Variants in GRM1 observed in about 807,000 individuals in gnomAD.
GRM1 encodes the protein glutamate metabotropic receptor 1.
In GRM1, 33 loss-of-function variants were observed where a neutral mutation model predicts 90.9. The observed-to-expected ratio is 0.36, with a 90% CI of 0.28 to 0.49. The LOEUF is 0.49. Ranked by LOEUF, GRM1 falls within the 20% of genes least tolerant of loss-of-function variation. GRM1 has a pLI of 0.99. For synonymous variants in GRM1, 700 were observed against 613.2 expected (o/e 1.14, Z -2.09); for missense variants, 1,190 against 1,534.3 (o/e 0.78, Z 3.75).
chr6:146,417,865 G>C (rs1172120578), intron 7 of GRM1, among the ~76,000 whole-genome samples: 1 of 152,022 alleles, frequency 6.6e-6, no homozygotes, highest in Non-Finnish European at 1.5e-5. Flanking sequence ...ATCAAAGTAA[G>C]GTAATAAAAA....
At chr6:146,224,052 CA>C (rs1156603355) in intron 2 of GRM1, among the ~76,000 whole-genome samples, 3 of 152,010 alleles carry the variant, frequency 2.0e-5, no homozygotes, top group Non-Finnish European at 4.4e-5. Flanking sequence ...TCCAGAAATC[CA>C]GCTGTGTTCC....
intron 1 of GRM1, among the ~76,000 whole-genome samples, chr6:146,062,057 G>C (rs984268018): frequency 2.6e-5 from 4 of 152,060 alleles, no homozygotes; most frequent in Admixed American, 1.3e-4. Flanking sequence ...TATGTTTATT[G>C]CAGCACTGTT....
chr6:146,253,196 C>T (rs1340870728), intron 2 of GRM1, among the ~76,000 whole-genome samples: 3 of 152,186 alleles, frequency 2.0e-5, no homozygotes, highest in South Asian at 4.2e-4. Flanking sequence ...AAAGATCCTT[C>T]GGCAGCAATA....
At chr6:146,302,209 G>C (rs1448981685) in intron 2 of GRM1, among the ~76,000 whole-genome samples, 1 of 150,946 alleles carries the variant, frequency 6.6e-6, no homozygotes, top group African/African-American at 2.4e-5. Flanking sequence ...CCTCTTTTGG[G>C]TCTCAGCTCA....
Position 146,399,091 on chromosome 6 carries a change from C to T in GRM1, c.2052C>T (p.Arg684=), listed in dbSNP as rs535831582. 6.2e-7 allele frequency: 1 copy of T among 1,614,112 alleles called. No homozygotes were observed. Among genetic ancestry groups the T allele is most frequent in the South Asian group, 1.1e-5 (1 of 91,076 alleles). ...ALVTKTNRIA[R]ILAGSKKKIC... Reference sequence around the variant, plus strand: ...TGACTAAAACCAATCGTATTGCACGCATCCTGGCTGGCAGCAAGAAGAAGA... The same window carrying T: ...TGACTAAAACCAATCGTATTGCACGTATCCTGGCTGGCAGCAAGAAGAAGA... The change falls in exon 7 of 8, where the codon CGC becomes CGT. Residue 684 remains arginine (R), a synonymous_variant. Coordinates refer to ENST00000282753, the MANE Select transcript of GRM1 (RefSeq NM_001278064.2). This position sits in a 1 kb window ranked among gnomAD's most constrained non-coding sequence, Gnocchi z 5.4.
At chr6:146,201,679 C>T (rs1355345534) in intron 2 of GRM1, among the ~76,000 whole-genome samples, 1 of 152,186 alleles carries the variant, frequency 6.6e-6, no homozygotes, top group African/African-American at 2.4e-5. Context: ...TGGAGAGACG[C>T]AAACATTCAG....
At chr6:146,141,055 C>G (rs568041066) in intron 1 of GRM1, among the ~76,000 whole-genome samples, 57 of 152,290 alleles carry the variant, frequency 3.7e-4, no homozygotes, top group African/African-American at 1.3e-3. Flanking sequence ...TCTTGTAGGA[C>G]ATGTCTGGTG....
intron 1 of GRM1, among the ~76,000 whole-genome samples, chr6:146,113,485 A>G (rs1193276050): frequency 6.6e-6 from 1 of 152,192 alleles, no homozygotes; most frequent in African/African-American, 2.4e-5. Flanking sequence ...TGTATAATTC[A>G]GGCCCTCCAG....
chr6:146,434,879 G>A lies in GRM1; in HGVS notation c.*83G>A, dbSNP rs943805584. 18 of 1,238,826 alleles carry A rather than the reference G, an allele frequency of 1.5e-5. No individual in the cohort carries two copies. The African/African-American group carries it at 2.7e-4, about 18-fold the overall frequency. The allele number at this position is 1,238,826 out of a possible 1,614,324, so 76.7% of individuals were successfully genotyped here. On this transcript the variant is annotated 3_prime_UTR_variant, in exon 8 of 8. Transcript: ENST00000282753. ...GATGTGCAAACAGCTGGGAGGAAAA[G>A]CCTGGGAGTGGGGGGCCTCGTCGGG...
intron 3 of GRM1, among the ~76,000 whole-genome samples, chr6:146,350,306 T>A: frequency 6.6e-6 from 1 of 152,216 alleles, no homozygotes. Flanking sequence ...AACAGATAAT[T>A]TTTCATTTGG....
At chr6:146,266,723 C>T (rs1781900947) in intron 2 of GRM1, among the ~76,000 whole-genome samples, 1 of 152,226 alleles carries the variant, frequency 6.6e-6, no homozygotes, top group Non-Finnish European at 1.5e-5. Context: ...CTGCTCCCAT[C>T]CATTCACCGC....
At chr6:146,140,011 C>T (rs1008186573) in intron 1 of GRM1, among the ~76,000 whole-genome samples, 1 of 140,620 alleles carries the variant, frequency 7.1e-6, no homozygotes, top group Non-Finnish European at 1.6e-5. Context: ...CCTCCCCTCC[C>T]CTCACTTCCC....
chr6:146,043,515 T>C (rs1338009035), intron 1 of GRM1, among the ~76,000 whole-genome samples: 1 of 151,824 alleles, frequency 6.6e-6, no homozygotes, highest in Admixed American at 6.6e-5. Flanking sequence ...ATCAGAAACA[T>C]ATTATTTTTA....
chr6:146,148,773 T>C (rs1034334108), intron 1 of GRM1, among the ~76,000 whole-genome samples: 5 of 152,160 alleles, frequency 3.3e-5, no homozygotes, highest in African/African-American at 1.2e-4. Flanking sequence ...ACAGTGGATA[T>C]TATCATTAAC....
At chr6:146,323,905 T>C (rs531672878) in intron 3 of GRM1, among the ~76,000 whole-genome samples, 6 of 152,222 alleles carry the variant, frequency 3.9e-5, no homozygotes, top group Non-Finnish European at 5.9e-5. Flanking sequence ...TAGTTGTAGA[T>C]ATGTGGCATT....
intron 2 of GRM1, among the ~76,000 whole-genome samples, chr6:146,251,905 T>C (rs1340462414): frequency 6.6e-6 from 1 of 152,104 alleles, no homozygotes. Context: ...TCTGCCTGAA[T>C]TGCTCTTCCT....
At position 146,256,493 on chromosome 6, in the gene GRM1, C is replaced by G. The variant is rs115221924; in HGVS notation, c.951-48118C>G. Reference sequence around the variant, plus strand: ...CTCCTTCCATCTTCCTTTTTCTCCACTCTCCTCCTTTATGCCCGAAATTTT... The same window carrying G: ...CTCCTTCCATCTTCCTTTTTCTCCAGTCTCCTCCTTTATGCCCGAAATTTT... On this transcript the variant is annotated intron_variant, in intron 2 of 7. Coordinates refer to ENST00000282753, the MANE Select transcript of GRM1 (RefSeq NM_001278064.2). Among the ~76,000 whole-genome samples, 337 of 152,186 alleles carry G rather than the reference C, an allele frequency of 2.2e-3. 3 individuals carry two copies. The highest frequency in any genetic ancestry group is 7.8e-3 in the African/African-American group (322 of 41,526).
chr6:146,301,656 T>A (rs1158761695), intron 2 of GRM1, among the ~76,000 whole-genome samples: 6 of 152,214 alleles, frequency 3.9e-5, no homozygotes, highest in Non-Finnish European at 5.9e-5. Context: ...TTTCAATTTT[T>A]AAATATTTAC....
intron 1 of GRM1, among the ~76,000 whole-genome samples, chr6:146,111,700 G>T (rs1408415026): frequency 1.3e-5 from 2 of 152,190 alleles, no homozygotes; most frequent in Admixed American, 1.3e-4. Context: ...GCCAGTATGG[G>T]TAGTTGCTGA....
Sources: gnomAD v4.1 joint callset for allele counts (sites outside exome capture counted in the v4.1 genomes callset) on GRCh38, gnomAD v4.1.1 for gene constraint, Gnocchi (gnomAD v3.1) non-coding constraint, MANE v1.5 for transcripts, NCBI Gene and HGNC (gene_info 2026-07-23, HGNC 2026-07-21) for gene names.